PPP2R2B: variants seen among roughly 807,000 people sequenced by gnomAD.
PPP2R2B encodes the protein serine/threonine-protein phosphatase 2A 55 kDa regulatory subunit B beta isoform.
A neutral mutation model predicts 46.0 loss-of-function variants in PPP2R2B; 5 were observed. The observed-to-expected ratio is 0.11, with a 90% CI of 0.06 to 0.23. The LOEUF (loss-of-function observed/expected upper bound fraction) is 0.23, where lower values mean the gene tolerates loss of function less well. PPP2R2B is among the 10% of genes least tolerant of loss of function. PPP2R2B has a pLI of 1.00. For synonymous variants in PPP2R2B, 215 were observed against 206.7 expected (o/e 1.04, Z -0.34); for missense variants, 367 against 575.0 (o/e 0.64, Z 3.70).
intron 7 of PPP2R2B, among the ~76,000 whole-genome samples, chr5:146,620,737 C>A (rs1192969347): frequency 6.6e-6 from 1 of 152,162 alleles, no homozygotes; most frequent in Non-Finnish European, 1.5e-5. Flanking sequence ...TCACGTCTCT[C>A]CCCCTGAGAT....
intron 9 of PPP2R2B, among the ~76,000 whole-genome samples, chr5:146,591,198 A>G (rs1387665510): frequency 1.3e-5 from 2 of 152,142 alleles, no homozygotes; most frequent in Admixed American, 1.3e-4. Flanking sequence ...GCTCCTTAAG[A>G]TGGGAGAGCA....
At chr5:146,821,857 T>C (rs948883715) in intron 2 of PPP2R2B, among the ~76,000 whole-genome samples, 3 of 152,128 alleles carry the variant, frequency 2.0e-5, no homozygotes, top group African/African-American at 7.2e-5. Context: ...TCAAGTATGA[T>C]GCCACATTGT....
At chr5:146,838,057 C>T (rs1379655049) in intron 2 of PPP2R2B, among the ~76,000 whole-genome samples, 1 of 152,048 alleles carries the variant, frequency 6.6e-6, no homozygotes, top group African/African-American at 2.4e-5. Flanking sequence ...CCCCCTATGC[C>T]CCTGTCCTAT....
At chr5:146,619,349 G>A (rs1304486806) in intron 7 of PPP2R2B, among the ~76,000 whole-genome samples, 1 of 151,634 alleles carries the variant, frequency 6.6e-6, no homozygotes, top group African/African-American at 2.4e-5. Flanking sequence ...GTGCAGTGGT[G>A]TGTGCCTGTA....
intron 7 of PPP2R2B, among the ~76,000 whole-genome samples, chr5:146,615,669 A>T (rs1409660859): frequency 1.3e-5 from 2 of 152,054 alleles, no homozygotes; most frequent in African/African-American, 4.8e-5. Flanking sequence ...AAAACCAAGG[A>T]TTTAACTTAC....
chr5:146,688,139 G>A (rs1778623144), intron 5 of PPP2R2B, among the ~76,000 whole-genome samples: 1 of 152,114 alleles, frequency 6.6e-6, no homozygotes, highest in Non-Finnish European at 1.5e-5. Flanking sequence ...GTGCTGTGGT[G>A]TGGATGTTTA....
intron 5 of PPP2R2B, among the ~76,000 whole-genome samples, chr5:146,666,771 C>A (rs1236495965): frequency 6.6e-6 from 1 of 152,240 alleles, no homozygotes; most frequent in Non-Finnish European, 1.5e-5. Context: ...TCTACCAGCA[C>A]AGGCATTTAT....
intron 7 of PPP2R2B, among the ~76,000 whole-genome samples, chr5:146,630,002 T>C (rs1774320725): frequency 6.6e-6 from 1 of 152,126 alleles, no homozygotes; most frequent in Non-Finnish European, 1.5e-5. Context: ...GTAGTAGAGA[T>C]GGGGTTTTGC....
rs1196627758 is a variant in PPP2R2B at position 146,581,360 on chromosome 5, TACTC to T, written c.*8583_*8586del. ...TAAACAACCAGATCTCGTGAGAACT[TACTC>T]ACTATCACGAGAATAGCACCAAGAA... On this transcript the variant is annotated 3_prime_UTR_variant, in exon 10 of 10. Coordinates refer to ENST00000394411, the MANE Select transcript of PPP2R2B (RefSeq NM_181675.4). 2.0e-5 allele frequency: 3 copies of T among 152,218 alleles called. No homozygotes were observed. Among genetic ancestry groups the T allele is most frequent in the South Asian group, 2.1e-4 (1 of 4,816 alleles). The allele number at this position is 152,218 out of a possible 1,614,324, so 9.4% of individuals were successfully genotyped here.
chr5:146,705,986 A>G (rs377193928), intron 2 of PPP2R2B, among the ~76,000 whole-genome samples: 1 of 151,748 alleles, frequency 6.6e-6, no homozygotes, highest in South Asian at 2.1e-4. Context: ...ACAGAAAAAC[A>G]AAACAAAACA....
rs1200875760 is a variant in PPP2R2B, at chr5:146,875,569, T to C, written c.70+2433A>G. On this transcript the variant is annotated intron_variant, in intron 2 of 9. Transcript: ENST00000394411. ...TTCAGCTTTAAATAGAACACTGCAA[T>C]GTGGAATGATCTGAGCAAACAGAAG... is the stretch of plus-strand genomic sequence containing the variant. 2.0e-5 allele frequency among the ~76,000 whole-genome samples: 3 copies of C among 151,984 alleles called. No individual in the cohort carries two copies. The East Asian group carries it at 5.8e-4, about 29-fold the overall frequency.
At chr5:146,978,191 T>C (rs983343012) in intron 1 of PPP2R2B, among the ~76,000 whole-genome samples, 2 of 152,198 alleles carry the variant, frequency 1.3e-5, no homozygotes, top group Non-Finnish European at 2.9e-5. Flanking sequence ...GAAGTGTCTG[T>C]TCATATGCTT....
intron 6 of PPP2R2B, among the ~76,000 whole-genome samples, chr5:146,647,129 T>C (rs1775630397): frequency 6.6e-6 from 1 of 152,332 alleles, no homozygotes; most frequent in South Asian, 2.1e-4. Context: ...ACTATTTACT[T>C]AATGCTTTAC....
intron 2 of PPP2R2B, chr5:146,707,443 GC>G (rs1779932024): frequency 1.3e-6 from 1 of 768,242 alleles, no homozygotes. Context: ...CATGCCACTG[GC>G]CCCACCATAG....
intron 1 of PPP2R2B, among the ~76,000 whole-genome samples, chr5:146,988,570 G>C (rs73310870): frequency 0.033 from 4,939 of 151,920 alleles, 273 homozygotes; most frequent in African/African-American, 0.11. Context: ...TGGGGCAAAT[G>C]AAAATGGAAA....
At chr5:147,056,797 A>G (rs1262399344), upstream of PPP2R2B, among the ~76,000 whole-genome samples, 2 of 152,166 alleles carry the variant, frequency 1.3e-5, no homozygotes, top group Non-Finnish European at 2.9e-5. Context: ...GGTCCATGAA[A>G]TAATAATGAC....
chr5:147,052,130 T>C (rs1292384251), intron 1 of PPP2R2B, among the ~76,000 whole-genome samples: 1 of 151,900 alleles, frequency 6.6e-6, no homozygotes, highest in African/African-American at 2.4e-5. Context: ...TCTGTTTGTA[T>C]CTTCTTATTT....
At chr5:147,022,474 C>T (rs982955341) in intron 1 of PPP2R2B, among the ~76,000 whole-genome samples, 2 of 151,482 alleles carry the variant, frequency 1.3e-5, no homozygotes, top group African/African-American at 2.4e-5. Flanking sequence ...GCAGGGGAAT[C>T]GCTTGAACGT....
intron 5 of PPP2R2B, among the ~76,000 whole-genome samples, chr5:146,672,702 T>G (rs570347805): frequency 2.6e-5 from 4 of 152,278 alleles, no homozygotes; most frequent in African/African-American, 9.6e-5. Flanking sequence ...CCAACCTCCC[T>G]CCCTCTATAA....
Sources: allele counts gnomAD v4.1 joint callset (sites outside exome capture counted in the v4.1 genomes callset), GRCh38; gene constraint gnomAD v4.1.1; transcripts MANE v1.5; gene names NCBI Gene and HGNC (gene_info 2026-07-23, HGNC 2026-07-21).